Variants in HIPK4 observed in about 807,000 individuals in gnomAD.
The protein encoded by HIPK4 is homeodomain-interacting protein kinase 4.
A neutral mutation model predicts 44.8 loss-of-function variants in HIPK4; 26 were observed. The observed-to-expected ratio is 0.58, with a 90% CI of 0.43 to 0.80. The LOEUF is 0.80. Ranked by LOEUF, HIPK4 falls within the 30% of genes least tolerant of loss-of-function variation. The pLI is 0.00. For synonymous variants in HIPK4, 340 were observed against 355.5 expected (o/e 0.96, Z 0.49); for missense variants, 729 against 862.6 (o/e 0.85, Z 1.94).
intron 1 of HIPK4, among the ~76,000 whole-genome samples, chr19:40,387,034 T>C (rs901042410): frequency 3.9e-5 from 6 of 152,014 alleles, no homozygotes; most frequent in Non-Finnish European, 8.8e-5. Context: ...TTTGTATTTT[T>C]AGTAGAGATG....
chr19:40,384,119 G>T lies in HIPK4; in HGVS notation c.486C>A (p.Ala162=). The T allele has an allele frequency of 6.3e-7, 1 of 1,585,738 alleles. No individual in the cohort carries two copies. The highest frequency in any genetic ancestry group is 8.6e-7 in the Non-Finnish European group (1 of 1,160,938). The part of the protein sequence containing the change: ...FRVKVIDFGS[A]SIFSEVRYVK... ...CGTAGCGCACCTCGCTGAAAATGCTGGCGGATCCGAAGTCAATCACCTGTC... is the reference window on the plus strand; with the variant it reads ...CGTAGCGCACCTCGCTGAAAATGCTTGCGGATCCGAAGTCAATCACCTGTC... The change falls in exon 2 of 4, where the codon GCC becomes GCA. Residue 162 remains alanine, a synonymous_variant. Transcript: ENST00000291823.
chr19:40,384,052 CAG>C lies in HIPK4; in HGVS notation c.551_552del (p.Pro184ArgfsTer23). On this transcript the variant is annotated frameshift_variant, in exon 2 of 4. Coordinates refer to ENST00000291823, the MANE Select transcript of HIPK4 (RefSeq NM_144685.5). LOFTEE classifies it high-confidence loss of function. ...PYIQSRFYRAPEILLGLPFCE... is the reference protein window; with the variant it reads ...PYIQSRFYRAXEILLGLPFCE... ...CAGAAGGGCAGCCCCAGCAGGATCT[CAG>C]GGGCCCGGTAGAAGCGCGACTGGAT... 1 of 1,613,902 alleles carries C rather than the reference CAG, an allele frequency of 6.2e-7. No individual in the cohort carries two copies. The highest frequency in any genetic ancestry group is 8.5e-7 in the Non-Finnish European group (1 of 1,179,810).
rs2079315837 is a variant in HIPK4, at chr19:40,379,278, C to T, written c.*309G>A. 1 of 324,206 alleles carries T rather than the reference C, an allele frequency of 3.1e-6. No homozygotes were observed. Among genetic ancestry groups the T allele is most frequent in the Non-Finnish European group, 5.6e-6 (1 of 177,704 alleles). The allele number at this position is 324,206 out of a possible 1,614,324, so 20.1% of individuals were successfully genotyped here. A position where few individuals can be genotyped will look rare whatever the true frequency, so the allele number is the denominator to read the frequency against. On this transcript the variant is annotated 3_prime_UTR_variant, in exon 4 of 4. Transcript: ENST00000291823. ...GCAGGCTTGAAGCAGGACTGCTGAA[C>T]AGTTCTATATTGAAATAGACAGAGG...
chr19:40,381,140 A>G lies in HIPK4; in HGVS notation c.851T>C (p.Met284Thr), dbSNP rs771938025. 9.4e-6 allele frequency: 15 copies of G among 1,602,850 alleles called. No homozygotes were observed. Among genetic ancestry groups the G allele is most frequent in the East Asian group, 2.2e-5 (1 of 44,836 alleles). Reference protein sequence around the residue: ...KVRPLERRKYMLKSLDQIETV... With the variant: ...KVRPLERRKYTLKSLDQIETV... Reference sequence around the variant, plus strand: ...CTCAATCTGGTCCAACGACTTGAGCATATACTTGCGGCGCTCCAATGGGCG... The same window carrying G: ...CTCAATCTGGTCCAACGACTTGAGCGTATACTTGCGGCGCTCCAATGGGCG... The change falls in exon 3 of 4, where the codon ATG becomes ACG. Residue 284 changes from methionine to threonine, a missense_variant. Transcript: ENST00000291823.
At position 40,381,186 on chromosome 19, in the gene HIPK4, A is replaced by G; in HGVS notation, c.823-18T>C. On this transcript the variant is annotated intron_variant, in intron 2 of 3. Coordinates refer to ENST00000291823, the MANE Select transcript of HIPK4 (RefSeq NM_144685.5). ...GGGCGCACCTGGCGGGGCATGGAGA[A>G]GGGGGCAGGGTTGACCATTGTGCAG... The G allele has an allele frequency of 6.3e-7, 1 of 1,579,952 alleles. No individual in the cohort carries two copies.
At chr19:40,382,775 C>T (rs1250207304) in intron 2 of HIPK4, among the ~76,000 whole-genome samples, 1 of 151,644 alleles carries the variant, frequency 6.6e-6, no homozygotes, top group African/African-American at 2.4e-5. Context: ...TGGCCGAGCG[C>T]GGTGGCTCAT....
chr19:40,387,574 G>C (rs1427288872), intron 1 of HIPK4, among the ~76,000 whole-genome samples: 2 of 151,854 alleles, frequency 1.3e-5, no homozygotes, highest in African/African-American at 2.4e-5. Context: ...CCCCATATGG[G>C]TTCAAGCGAT....
Position 40,380,851 on chromosome 19 carries a change from G to C in HIPK4, c.1140C>G (p.Pro380=), listed in dbSNP as rs781648616. 21 of 1,609,034 alleles carry C rather than the reference G, an allele frequency of 1.3e-5. 1 individual carries two copies. The South Asian group carries it at 2.1e-4, about 16-fold the overall frequency. Residue 380 remains proline (P), a synonymous_variant, in exon 3 of 4, where the codon CCC becomes CCG. Coordinates refer to ENST00000291823, the MANE Select transcript of HIPK4 (RefSeq NM_144685.5). This position sits in a 1 kb window ranked among gnomAD's most constrained non-coding sequence, Gnocchi z 4.2. ...RLSLQVEGKP[P]TPVVAAEDGT... ...CATCTTCTGCGGCCACGACGGGCGTGGGGGGCTTCCCCTCCACTTGCAGCG... is the reference window on the plus strand; with the variant it reads ...CATCTTCTGCGGCCACGACGGGCGTCGGGGGCTTCCCCTCCACTTGCAGCG...
Position 40,379,556 on chromosome 19 carries a change from C to T in HIPK4, c.*31G>A, listed in dbSNP as rs1345442229. 9 of 1,474,772 alleles carry T rather than the reference C, an allele frequency of 6.1e-6. No individual in the cohort carries two copies. In the African/African-American group the frequency reaches 1.0e-4, roughly 16 times the overall value. The allele number at this position is 1,474,772 out of a possible 1,614,324, so 91.4% of individuals were successfully genotyped here. ...GGGAATGCCAGCCCAGCTAGCGCAG[C>T]CCCCAGTGATGGGCAGGGGTGGAAT... On this transcript the variant is annotated 3_prime_UTR_variant, in exon 4 of 4. Transcript: ENST00000291823.
At position 40,380,448 on chromosome 19, in the gene HIPK4, C is replaced by T; in HGVS notation, c.1543G>A (p.Asp515Asn). ...IRLSQVSPED[D>N]RPCRGSSWEE... ...CAGCTGCTGCCCCGGCAGGGCCTGT[C>T]ATCCTCAGGCGAGACCTGGCTCAGC... Residue 515 changes from aspartate to asparagine, a missense_variant, in exon 3 of 4, where the codon GAC becomes AAC. Asp to Asn is a conservative substitution (Grantham distance 23). This residue lies in a region of HIPK4 where 533 missense variants were observed against 567.5 expected (regional missense o/e 0.94). Coordinates refer to ENST00000291823, the MANE Select transcript of HIPK4 (RefSeq NM_144685.5). This position sits in a 1 kb window ranked among gnomAD's most constrained non-coding sequence, Gnocchi z 4.2. 1.9e-6 allele frequency: 3 copies of T among 1,614,026 alleles called. No individual in the cohort carries two copies. The highest frequency in any genetic ancestry group is 2.5e-6 in the Non-Finnish European group (3 of 1,180,050).
In HIPK4 at chr19:40,381,007, C is replaced by T. The variant is rs1196394758; in HGVS notation, c.984G>A (p.Leu328=). The T allele has an allele frequency of 6.2e-7, 1 of 1,613,366 alleles. No homozygotes were observed. The highest frequency in any genetic ancestry group is 1.3e-5 in the African/African-American group (1 of 74,936). Residue 328 remains leucine (L), a synonymous_variant, in exon 3 of 4, where the codon CTG becomes CTA. Transcript: ENST00000291823. ...KSMVELIKRM[L]TWESHERISP... ...TGATGCGTTCGTGTGACTCCCAGGT[C>T]AGCATGCGCTTGATCAGCTCCACCA...
chr19:40,382,246 G>A (rs375711963), intron 2 of HIPK4, among the ~76,000 whole-genome samples: 6 of 152,020 alleles, frequency 3.9e-5, no homozygotes, highest in South Asian at 2.1e-4. Flanking sequence ...TGGAACTACC[G>A]GTGTGTGCCA....
intron 3 of HIPK4, 141 bp from the exon 4 acceptor site, chr19:40,379,910 ATG>A (rs746554040): frequency 6.8e-6 from 6 of 881,366 alleles, no homozygotes; most frequent in Non-Finnish European, 1.0e-5. Flanking sequence ...CTTTGTAGTG[ATG>A]TGATGACAGC....
chr19:40,389,948 C>T lies in HIPK4; in HGVS notation c.-46G>A. 1 of 1,490,328 alleles carries T rather than the reference C, an allele frequency of 6.7e-7. No individual in the cohort carries two copies. 92.3% of individuals were successfully genotyped at this position (1,490,328 alleles called of 1,614,324 possible). A position where few individuals can be genotyped will look rare whatever the true frequency, so the allele number is the denominator to read the frequency against. On this transcript the variant is annotated 5_prime_UTR_variant, in exon 1 of 4. It adds an upstream start codon to the 5' untranslated region. Transcript: ENST00000291823. The surrounding 1 kb of genome is among the most constrained non-coding windows in gnomAD (Gnocchi z 4.6). Reference sequence around the variant, plus strand: ...CCGCCCTGCCCAGGCCCCTGTACCACTGGCTCTGCCGCCCAGGCCTCCCGC... The same window carrying T: ...CCGCCCTGCCCAGGCCCCTGTACCATTGGCTCTGCCGCCCAGGCCTCCCGC...
intron 1 of HIPK4, among the ~76,000 whole-genome samples, chr19:40,388,563 G>GTCCT (rs2079373653): frequency 1.3e-5 from 2 of 152,108 alleles, no homozygotes; most frequent in Admixed American, 1.3e-4. Flanking sequence ...CTGGGTCTCT[G>GTCCT]TCCTTCCACC....
intron 1 of HIPK4, among the ~76,000 whole-genome samples, chr19:40,387,957 C>A (rs1320523467): frequency 6.6e-6 from 1 of 151,672 alleles, no homozygotes; most frequent in African/African-American, 2.4e-5. Context: ...TGCCTCTGCC[C>A]CCCAACTAAC....
rs1319023075 is a variant in HIPK4 at position 40,379,367 on chromosome 19, G to A, written c.*220C>T. ...AGCCCCCTTTCCTGCTGTCCTTCTGGCCAAGGAGCATGGGCCAGACTCCAA... is the reference window on the plus strand; with the variant it reads ...AGCCCCCTTTCCTGCTGTCCTTCTGACCAAGGAGCATGGGCCAGACTCCAA... On this transcript the variant is annotated 3_prime_UTR_variant, in exon 4 of 4. Coordinates refer to ENST00000291823, the MANE Select transcript of HIPK4 (RefSeq NM_144685.5). 1.9e-6 allele frequency: 1 copy of A among 534,996 alleles called. No individual in the cohort carries two copies. The allele number at this position is 534,996 out of a possible 1,614,324, so 33.1% of individuals were successfully genotyped here.
Position 40,386,303 on chromosome 19 carries a change from C to T in HIPK4, c.466-2164G>A, listed in dbSNP as rs756739747. Among the ~76,000 whole-genome samples the T allele has an allele frequency of 1.1e-4, 16 of 152,196 alleles. No individual in the cohort carries two copies. In the South Asian group the frequency reaches 1.7e-3, roughly 16 times the overall value. On this transcript the variant is annotated intron_variant, in intron 1 of 3. Coordinates refer to ENST00000291823, the MANE Select transcript of HIPK4 (RefSeq NM_144685.5). ...AAACTCCTGACTCAGATGATCTGCC[C>T]GCCTCAGCCTCCCAAAGTGTTGGGA...
At position 40,383,879 on chromosome 19, in the gene HIPK4, G is replaced by C; in HGVS notation, c.726C>G (p.Ala242=). Residue 242 remains alanine (A), a synonymous_variant, in exon 2 of 4, where the codon GCC becomes GCG. Transcript: ENST00000291823. ...GCTTGAAGAAGTGGTGGGCCTTGCA[G>C]GCGGCGTGCAACAGGTGTGGCTTGG... ...GLPKPHLLHA[A]CKAHHFFKRN... The C allele has an allele frequency of 6.2e-7, 1 of 1,614,212 alleles. No homozygotes were observed. Among genetic ancestry groups the C allele is most frequent in the Non-Finnish European group, 8.5e-7 (1 of 1,180,040 alleles).
Sources: allele counts gnomAD v4.1 joint callset (sites outside exome capture counted in the v4.1 genomes callset), GRCh38; gene constraint gnomAD v4.1.1; regional missense constraint gnomAD v4.1.1; non-coding constraint Gnocchi (gnomAD v3.1); transcripts MANE v1.5; gene names NCBI Gene and HGNC (gene_info 2026-07-23, HGNC 2026-07-21).